The following SRL variants were observed in gnomAD, a reference collection of about 807,000 sequenced individuals.
SRL encodes the protein sarcalumenin.
In SRL, 23 loss-of-function variants were observed where a neutral mutation model predicts 39.5. The observed-to-expected ratio is 0.58, with a 90% CI of 0.42 to 0.82. The LOEUF is 0.82. Among genes scored for constraint, SRL ranks in the 40% least tolerant of loss-of-function variants. SRL has a pLI of 0.00. For missense variants in SRL, 592 were observed against 607.8 expected (o/e 0.97, Z 0.27); for synonymous variants, 272 against 237.4 (o/e 1.15, Z -1.34).
intron 1 of SRL, chr16:4,207,533 A>T (rs1184562002): frequency 2.2e-6 from 1 of 456,274 alleles, no homozygotes; most frequent in South Asian, 1.6e-5. Flanking sequence ...CTGAGTGAGG[A>T]GAGGCCCCCT....
chr16:4,229,795 G>T (rs1049912559), intron 1 of SRL, among the ~76,000 whole-genome samples: 1 of 152,144 alleles, frequency 6.6e-6, no homozygotes, highest in Admixed American at 6.5e-5. Context: ...AGTTCACTCA[G>T]AAGTTCTTCC....
intron 3 of SRL, among the ~76,000 whole-genome samples, chr16:4,199,057 G>A (rs2052186552): frequency 1.3e-5 from 2 of 152,014 alleles, no homozygotes; most frequent in East Asian, 3.9e-4. Context: ...CAGCACAGAG[G>A]GCCAGTCCTG....
chr16:4,190,716 G>A lies in SRL; in HGVS notation c.*1437C>T, dbSNP rs1263986381. ...CCTGCGGTGTGTTCAGTGGACATCT[G>A]CATCAAGGTCAGGCGGGAAGGTCAA... On this transcript the variant is annotated 3_prime_UTR_variant, in exon 6 of 6. Transcript: ENST00000399609. The A allele has an allele frequency of 2.2e-5, 8 of 371,342 alleles. No individual in the cohort carries two copies. The highest frequency in any genetic ancestry group is 3.8e-5 in the Non-Finnish European group (8 of 208,784). The allele number at this position is 371,342 out of a possible 1,614,324, so 23.0% of individuals were successfully genotyped here.
rs767268915 is a variant in SRL at position 4,192,486 on chromosome 16, A to G, written c.1089T>C (p.Asp363=). 19 of 1,614,094 alleles carry G rather than the reference A, an allele frequency of 1.2e-5. No individual in the cohort carries two copies. The South Asian group carries it at 1.4e-4, about 12-fold the overall frequency. ...TYKDKMTFFS[D]GELVFKDIVE... is the part of the protein sequence containing the mutation. The stretch of plus-strand genomic sequence containing the variant: ...CAATGTCCTTAAAGACCAGTTCTCC[A>G]TCACTGAAGAAGGTCATTTTGTCCT... Residue 363 remains aspartate, a synonymous_variant, in exon 6 of 6, where the codon GAT becomes GAC. Coordinates refer to ENST00000399609, the MANE Select transcript of SRL (RefSeq NM_001098814.2). The surrounding 1 kb of genome is among the most constrained non-coding windows in gnomAD (Gnocchi z 4.0).
At chr16:4,240,036 GAGA>G (rs2052756064) in intron 1 of SRL, among the ~76,000 whole-genome samples, 1 of 152,190 alleles carries the variant, frequency 6.6e-6, no homozygotes, top group African/African-American at 2.4e-5. Flanking sequence ...ACAGGGAGGC[GAGA>G]AGGAGGGCTG....
intron 1 of SRL, among the ~76,000 whole-genome samples, chr16:4,219,659 C>T (rs184761881): frequency 2.3e-3 from 353 of 152,198 alleles, no homozygotes; most frequent in Non-Finnish European, 4.0e-3. Flanking sequence ...TGGGGTTTCA[C>T]CATGTTGCCC....
chr16:4,239,860 A>C (rs1398729661), intron 1 of SRL: 3 of 152,344 alleles, frequency 2.0e-5, no homozygotes, highest in African/African-American at 7.2e-5. Context: ...AACAGCCCCA[A>C]GCCAGGACTC....
intron 1 of SRL, among the ~76,000 whole-genome samples, chr16:4,224,624 T>C (rs1481620266): frequency 1.3e-5 from 2 of 151,258 alleles, no homozygotes; most frequent in Non-Finnish European, 2.9e-5. Flanking sequence ...GGCGGGAGGA[T>C]GGCTTGAGCC....
intron 1 of SRL, among the ~76,000 whole-genome samples, chr16:4,219,770 A>T (rs999951125): frequency 1.3e-5 from 2 of 151,810 alleles, no homozygotes; most frequent in African/African-American, 4.8e-5. Context: ...CTGTATGGAG[A>T]TTTTAGGAAG....
intron 1 of SRL, among the ~76,000 whole-genome samples, chr16:4,222,810 C>G (rs958860482): frequency 6.6e-6 from 1 of 152,176 alleles, no homozygotes; most frequent in African/African-American, 2.4e-5. Flanking sequence ...AGTACAATTC[C>G]TGGCGAGATG....
intron 1 of SRL, among the ~76,000 whole-genome samples, chr16:4,226,943 G>T (rs1279718253): frequency 6.6e-6 from 1 of 151,860 alleles, no homozygotes; most frequent in Non-Finnish European, 1.5e-5. Context: ...TGGATGGGTG[G>T]ATGGATGAGT....
intron 1 of SRL, among the ~76,000 whole-genome samples, chr16:4,227,835 T>C (rs2052609985): frequency 6.6e-6 from 1 of 152,162 alleles, no homozygotes; most frequent in African/African-American, 2.4e-5. Context: ...ACTGAACTGC[T>C]GAGTTGCAGG....
chr16:4,196,448 GTCTC>G (rs142605419), intron 4 of SRL, among the ~76,000 whole-genome samples: 2 of 148,034 alleles, frequency 1.4e-5, no homozygotes, highest in East Asian at 2.0e-4. Context: ...GCACTCTGGC[GTCTC>G]TCTCTCTGAT....
rs1386312191 is a variant in SRL at position 4,238,853 on chromosome 16, T to G, written c.61+3154A>C. Reference sequence around the variant, plus strand: ...CCAGACTGGTCTCAAATTCTTAGCTTCAAGCGATCCTCCCACCTTGGGTTC... The same window carrying G: ...CCAGACTGGTCTCAAATTCTTAGCTGCAAGCGATCCTCCCACCTTGGGTTC... On this transcript the variant is annotated intron_variant, in intron 1 of 5. Coordinates refer to ENST00000399609, the MANE Select transcript of SRL (RefSeq NM_001098814.2). Among the ~76,000 whole-genome samples, 4 of 152,018 alleles carry G rather than the reference T, an allele frequency of 2.6e-5. No individual in the cohort carries two copies. In the East Asian group the frequency reaches 7.8e-4, roughly 29 times the overall value.
intron 1 of SRL, among the ~76,000 whole-genome samples, chr16:4,241,772 C>T (rs1028375120): frequency 5.3e-5 from 8 of 152,216 alleles, no homozygotes; most frequent in Admixed American, 1.3e-4. Context: ...CTCTGTTTGC[C>T]GTTCCCACTT....
intron 1 of SRL, among the ~76,000 whole-genome samples, chr16:4,216,060 A>T (rs2052456233): frequency 6.6e-6 from 1 of 151,904 alleles, no homozygotes; most frequent in Non-Finnish European, 1.5e-5. Flanking sequence ...TTAAGACTTC[A>T]GCACAATTGT....
intron 3 of SRL, among the ~76,000 whole-genome samples, chr16:4,198,941 C>T (rs2052185036): frequency 6.6e-6 from 1 of 152,140 alleles, no homozygotes; most frequent in Non-Finnish European, 1.5e-5. Context: ...CTCGTGCTTT[C>T]AAATCCAGTG....
intron 1 of SRL, among the ~76,000 whole-genome samples, chr16:4,232,575 A>G (rs1317730057): frequency 6.6e-6 from 1 of 152,038 alleles, no homozygotes; most frequent in African/African-American, 2.4e-5. Flanking sequence ...CACTGGCACA[A>G]TTACAGTTCA....
intron 5 of SRL, among the ~76,000 whole-genome samples, chr16:4,194,470 G>C (rs2052108070): frequency 6.6e-6 from 1 of 152,176 alleles, no homozygotes; most frequent in African/African-American, 2.4e-5. Context: ...TTATGGGGAA[G>C]CAACCCTGGA....
Sources: gnomAD v4.1 joint callset for allele counts (sites outside exome capture counted in the v4.1 genomes callset) on GRCh38, gnomAD v4.1.1 for gene constraint, Gnocchi (gnomAD v3.1) non-coding constraint, MANE v1.5 for transcripts, NCBI Gene and HGNC (gene_info 2026-07-23, HGNC 2026-07-21) for gene names.